The following HEATR4 variants were observed in gnomAD, a reference collection of about 807,000 sequenced individuals.
HEATR4 encodes the protein HEAT repeat containing 4.
A neutral mutation model predicts 108.8 loss-of-function variants in HEATR4; 95 were observed. The observed-to-expected ratio is 0.87, with a 90% CI of 0.74 to 1.04. The LOEUF is 1.04. Ranked by LOEUF, HEATR4 falls within the 50% of genes least tolerant of loss-of-function variation. The pLI, the probability that HEATR4 is intolerant of heterozygous loss-of-function variation, is 0.00. For synonymous variants in HEATR4, 443 were observed against 459.4 expected, an observed-to-expected ratio of 0.96 and a Z score of 0.46; for missense variants, 1,152 against 1,253.8, an observed-to-expected ratio of 0.92 and a Z score of 1.23.
chr14:73,488,068 T>A lies in HEATR4; in HGVS notation c.2844+4998A>T, dbSNP rs1885519663. ...GTAGGGTGATGACAGGTTTGGGGCC[T>A]CAACTTGAGAAAATTCATCTTGTAG... On this transcript the variant is annotated intron_variant, in intron 17 of 17. Coordinates refer to ENST00000553558, the MANE Select transcript of HEATR4 (RefSeq NM_001220484.1). Among the ~76,000 whole-genome samples, 3 of 152,288 alleles carry A rather than the reference T, an allele frequency of 2.0e-5. No individual in the cohort carries two copies. The South Asian group carries it at 6.2e-4, about 32-fold the overall frequency.
chr14:73,625,974 G>A, the HEATR4 span, among the ~76,000 whole-genome samples: 2 of 152,228 alleles, frequency 1.3e-5, no homozygotes, highest in Non-Finnish European at 2.9e-5. Context: ...AGAAAGCCAA[G>A]ATAGGCTGAA....
At chr14:73,523,746 T>G (rs949587916) in intron 2 of HEATR4, among the ~76,000 whole-genome samples, 1 of 152,142 alleles carries the variant, frequency 6.6e-6, no homozygotes, top group Admixed American at 6.6e-5. Context: ...TTCTATCCAA[T>G]TTCCAGGCCC....
Position 73,523,218 on chromosome 14 carries a change from C to T in HEATR4, c.-66G>A, listed in dbSNP as rs1388322285. On this transcript the variant is annotated 5_prime_UTR_variant, in exon 3 of 18. Transcript: ENST00000553558. The stretch of plus-strand genomic sequence containing the variant: ...TAGAGGAAAGGCCTGGAGATGAGAC[C>T]TGGCACCTGTTAAGGGAATGGGAGG... 1.4e-6 allele frequency: 2 copies of T among 1,452,862 alleles called. No homozygotes were observed. The highest frequency in any genetic ancestry group is 1.8e-6 in the Non-Finnish European group (2 of 1,094,694). The allele number at this position is 1,452,862 out of a possible 1,614,324, so 90.0% of individuals were successfully genotyped here. A position where few individuals can be genotyped will look rare whatever the true frequency, so the allele number is the denominator to read the frequency against.
chr14:73,592,019 C>T, the HEATR4 span: 1 of 1,441,468 alleles, frequency 6.9e-7, no homozygotes, highest in Non-Finnish European at 9.1e-7. Flanking sequence ...AGCCGGTGCG[C>T]ATTGCCGTGC....
chr14:73,619,194 T>C, the HEATR4 span: 11 of 1,521,388 alleles, frequency 7.2e-6, no homozygotes, highest in African/African-American at 1.4e-5. Context: ...CCTCCATTTA[T>C]GAATTCTAAG....
intron 17 of HEATR4, among the ~76,000 whole-genome samples, chr14:73,487,664 A>C (rs1885503851): frequency 6.6e-6 from 1 of 152,212 alleles, no homozygotes; most frequent in South Asian, 2.1e-4. Flanking sequence ...ACGGGATAGA[A>C]AAAGGCATAA....
rs781240286 is a variant in HEATR4, at chr14:73,519,003, CCTGTT to C, written c.1210+15_1210+19del. 9 of 1,603,378 alleles carry C rather than the reference CCTGTT, an allele frequency of 5.6e-6. No homozygotes were observed. In the South Asian group the frequency reaches 8.9e-5, roughly 16 times the overall value. ...ATTCCCGTTATTAACCCCTGCCTTC[CCTGTT>C]AGCTTCCTGCTTACATGCTTCAGGA... On this transcript the variant is annotated intron_variant, in intron 5 of 17. Transcript: ENST00000553558.
chr14:73,482,709 T>G (rs963274823), intron 17 of HEATR4, among the ~76,000 whole-genome samples: 1 of 152,162 alleles, frequency 6.6e-6, no homozygotes. Context: ...CAGGCTGGAG[T>G]GCAATGGTGC....
intron 17 of HEATR4, among the ~76,000 whole-genome samples, chr14:73,487,680 T>A (rs556581677): frequency 4.7e-4 from 71 of 152,252 alleles, no homozygotes; most frequent in Non-Finnish European, 9.0e-4. Context: ...CATAAGGAAG[T>A]CTTTTCCTTG....
In HEATR4 at chr14:73,506,685, C is replaced by T. The variant is rs867910298; in HGVS notation, c.1882-114G>A. On this transcript the variant is annotated intron_variant, in intron 9 of 17. Coordinates refer to ENST00000553558, the MANE Select transcript of HEATR4 (RefSeq NM_001220484.1). ...ATAATTAATGTCACCAGTGGGCTTA[C>T]AAGAGATGGGGCATGTTTCCATCAC... 24 of 707,216 alleles carry T rather than the reference C, an allele frequency of 3.4e-5. 1 individual carries two copies. In the South Asian group the frequency reaches 3.7e-4, roughly 11 times the overall value. 43.8% of individuals were successfully genotyped at this position (707,216 alleles called of 1,614,324 possible). A position where few individuals can be genotyped will look rare whatever the true frequency, so the allele number is the denominator to read the frequency against.
the HEATR4 span, among the ~76,000 whole-genome samples, chr14:73,579,569 G>A: frequency 3.3e-5 from 3 of 90,454 alleles, no homozygotes; most frequent in Admixed American, 1.4e-4. Context: ...GGCAAAAGCC[G>A]TCTCAAAAAA....
At chr14:73,605,942 C>T in the HEATR4 span, among the ~76,000 whole-genome samples, 2 of 152,294 alleles carry the variant, frequency 1.3e-5, no homozygotes, top group African/African-American at 2.4e-5. Flanking sequence ...GCAGACCCTA[C>T]ACTTCAGGGA....
At chr14:73,525,808 C>G (rs1459887803) in intron 2 of HEATR4, among the ~76,000 whole-genome samples, 1 of 152,064 alleles carries the variant, frequency 6.6e-6, no homozygotes, top group Non-Finnish European at 1.5e-5. Context: ...CAAAAATTAG[C>G]TGGGCGTGGT....
intron 17 of HEATR4, among the ~76,000 whole-genome samples, chr14:73,484,879 A>C (rs1274360558): frequency 2.0e-5 from 3 of 151,252 alleles, no homozygotes; most frequent in African/African-American, 7.3e-5. Context: ...GTTTTAAATA[A>C]ATTTTACATA....
rs34660727 is a variant in HEATR4, at chr14:73,506,804, G to GTTT, written c.1882-236_1882-234dup. Among the ~76,000 whole-genome samples, 100 of 80,488 alleles carry GTTT rather than the reference G, an allele frequency of 1.2e-3. 14 individuals are homozygous for GTTT. The highest frequency in any genetic ancestry group is 4.3e-3 in the South Asian group (11 of 2,576). 52.8% of individuals were successfully genotyped at this position (80,488 alleles called of 152,430 possible). A position where few individuals can be genotyped will look rare whatever the true frequency, so the allele number is the denominator to read the frequency against. On this transcript the variant is annotated intron_variant, in intron 9 of 17. Transcript: ENST00000553558. Reference sequence around the variant, plus strand: ...GGACCTTCCTTTCCTGACTTTAACTGTTTTTTTTTTTTTTTTTTTTTCTGA... The same window carrying GTTT: ...GGACCTTCCTTTCCTGACTTTAACTGTTTTTTTTTTTTTTTTTTTTTTTTCTGA...
At chr14:73,547,563 C>A (rs1458640644) in intron 1 of HEATR4, among the ~76,000 whole-genome samples, 5 of 114,522 alleles carry the variant, frequency 4.4e-5, no homozygotes, top group African/African-American at 1.4e-4. Context: ...CAAGTCCAAT[C>A]GGCATGGTTT....
rs571691022 is a variant in HEATR4 at position 73,484,568 on chromosome 14, CG to C, written c.2845-5727del. ...TAATTTTTGTATTTTTTAGTAGAGA[CG>C]GGGTTTCACTATGTTGGCCAGGCTG... On this transcript the variant is annotated intron_variant, in intron 17 of 17. Coordinates refer to ENST00000553558, the MANE Select transcript of HEATR4 (RefSeq NM_001220484.1). Among the ~76,000 whole-genome samples, 45 of 151,458 alleles carry C rather than the reference CG, an allele frequency of 3.0e-4. No individual in the cohort carries two copies. In the East Asian group the frequency reaches 8.3e-3, roughly 28 times the overall value.
At chr14:73,577,997 C>G in the HEATR4 span, among the ~76,000 whole-genome samples, 3 of 151,794 alleles carry the variant, frequency 2.0e-5, no homozygotes, top group African/African-American at 7.3e-5. Flanking sequence ...AATACAGGCA[C>G]CCGCCACCAT....
At chr14:73,624,578 C>A in the HEATR4 span, among the ~76,000 whole-genome samples, 293 of 152,256 alleles carry the variant, frequency 1.9e-3, no homozygotes, top group African/African-American at 6.9e-3. Flanking sequence ...CTCCATCCAG[C>A]CTGGGTGACA....
Sources: gnomAD v4.1 joint callset for allele counts (sites outside exome capture counted in the v4.1 genomes callset) on GRCh38, gnomAD v4.1.1 for gene constraint, MANE v1.5 for transcripts, NCBI Gene and HGNC (gene_info 2026-07-23, HGNC 2026-07-21) for gene names.